The following UBN1 variants were observed in gnomAD, a reference collection of about 807,000 sequenced individuals.
UBN1 encodes ubinuclein 1, also known as ubinuclein-1.
A neutral mutation model predicts 108.5 loss-of-function variants in UBN1; 17 were observed. The observed-to-expected ratio is 0.16, with a 90% CI of 0.11 to 0.24. UBN1 has a LOEUF of 0.24. UBN1 is among the 10% of genes least tolerant of loss of function. UBN1 has a pLI of 1.00. For synonymous variants in UBN1, 726 were observed against 564.2 expected (o/e 1.29, Z -4.07); for missense variants, 1,595 against 1,394.4 (o/e 1.14, Z -2.29).
chr16:4,876,428 T>C (rs531730418), intron 15 of UBN1, among the ~76,000 whole-genome samples: 4 of 152,230 alleles, frequency 2.6e-5, no homozygotes, highest in Non-Finnish European at 4.4e-5. Context: ...TAAATAAAGG[T>C]ATATATGTAT....
chr16:4,858,790 C>T, intron 4 of UBN1, 127 bp downstream of exon 4: 1 of 988,966 alleles, frequency 1.0e-6, no homozygotes, highest in Non-Finnish European at 1.5e-6. Context: ...AGTAGCAGCA[C>T]TGATGAGAGA....
chr16:4,871,576 CTTTTTTTTTTTTTTTTTTT>C (rs35865064), intron 12 of UBN1, among the ~76,000 whole-genome samples: 3 of 88,424 alleles, frequency 3.4e-5, no homozygotes, highest in South Asian at 4.0e-4. Flanking sequence ...ATGCACTTTC[CTTTTTTTTTTTTTTTTTTT>C]TTTTTTTTTG....
intron 1 of UBN1, chr16:4,848,440 C>T (rs1375477581): frequency 6.6e-6 from 1 of 152,250 alleles, no homozygotes. Flanking sequence ...TCACAGACTC[C>T]ACAGTGTTAA....
At position 4,874,402 on chromosome 16, in the gene UBN1, C is replaced by G. The variant is rs767858622; in HGVS notation, c.1992C>G (p.Asp664Glu). ...PVNLEDSLDE[D>E]LIRNPASSVE... ...ACCTGGAGGACTCATTGGATGAAGA[C>G]TTGATCCGCAATCCAGCCTCCTCGG... The change falls in exon 15 of 18, where the codon GAC becomes GAG. Residue 664 changes from aspartate to glutamate, a missense_variant. Around this residue, in one of 3 missense-constraint regions of UBN1, gnomAD observed 1,398 missense variants for 1,194.7 expected, o/e 1.17. Transcript: ENST00000262376. 6.8e-6 allele frequency: 11 copies of G among 1,614,014 alleles called. No homozygotes were observed. The East Asian group carries it at 2.2e-4, about 33-fold the overall frequency.
chr16:4,871,876 A>G lies in UBN1; in HGVS notation c.1706+575A>G, dbSNP rs191013637. ...GCTGGGATTACAGGCGTGAGCCACC[A>G]CACCCGGCCACACTTCCTGTTTTAA... On this transcript the variant is annotated intron_variant, in intron 12 of 17. Transcript: ENST00000262376. Among the ~76,000 whole-genome samples the G allele has an allele frequency of 2.5e-3, 386 of 152,132 alleles. 1 individual carries two copies. Among genetic ancestry groups the G allele is most frequent in the African/African-American group, 8.0e-3 (334 of 41,514 alleles).
At chr16:4,853,381 T>A (rs184586921) in intron 2 of UBN1, among the ~76,000 whole-genome samples, 3 of 152,328 alleles carry the variant, frequency 2.0e-5, no homozygotes, top group East Asian at 3.9e-4. Flanking sequence ...ACATAAATTT[T>A]AAAAACAATA....
Position 4,870,334 on chromosome 16 carries a change from A to G in UBN1, c.1304A>G (p.Tyr435Cys), listed in dbSNP as rs35103368. The G allele has an allele frequency of 0.039, 62,678 of 1,614,028 alleles. 2,174 individuals are homozygous for G. The highest frequency in any genetic ancestry group is 0.16 in the South Asian group (14,468 of 91,052). Residue 435 changes from tyrosine to cysteine, a missense_variant, in exon 9 of 18, where the codon TAT (tyrosine) becomes TGT (cysteine). This residue lies in a region of UBN1 where 1,398 missense variants were observed against 1,194.7 expected (regional missense o/e 1.17). Coordinates refer to ENST00000262376, the MANE Select transcript of UBN1 (RefSeq NM_001079514.3). ...LLKRARKLHL[Y>C]EQGGRLKEPL... Reference sequence around the variant, plus strand: ...AAGCGTGCTCGGAAACTTCACCTCTATGAACAGGTGGGTGACTCTAGAGTG... The same window carrying G: ...AAGCGTGCTCGGAAACTTCACCTCTGTGAACAGGTGGGTGACTCTAGAGTG...
chr16:4,862,640 G>A (rs1416266623), intron 7 of UBN1, among the ~76,000 whole-genome samples: 1 of 152,220 alleles, frequency 6.6e-6, no homozygotes, highest in Admixed American at 6.5e-5. Flanking sequence ...ACGATAGATG[G>A]TCGTTAGAGA....
At chr16:4,879,331 T>C (rs892302760) in intron 17 of UBN1, among the ~76,000 whole-genome samples, 2 of 151,504 alleles carry the variant, frequency 1.3e-5, no homozygotes, top group African/African-American at 4.9e-5. Flanking sequence ...CTGGATGTGG[T>C]GGCATTGAGA....
At position 4,877,643 on chromosome 16, in the gene UBN1, C is replaced by T. The variant is rs1444303988; in HGVS notation, c.3355+169C>T. 3 of 1,337,446 alleles carry T rather than the reference C, an allele frequency of 2.2e-6. No homozygotes were observed. Among genetic ancestry groups the T allele is most frequent in the East Asian group, 6.0e-5 (2 of 33,248 alleles). The allele number at this position is 1,337,446 out of a possible 1,614,324, so 82.8% of individuals were successfully genotyped here. A position where few individuals can be genotyped will look rare whatever the true frequency, so the allele number is the denominator to read the frequency against. On this transcript the variant is annotated intron_variant, in intron 17 of 17. Coordinates refer to ENST00000262376, the MANE Select transcript of UBN1 (RefSeq NM_001079514.3). This position sits in a 1 kb window ranked among gnomAD's most constrained non-coding sequence, Gnocchi z 4.3. The stretch of plus-strand genomic sequence containing the variant: ...TCAGTACTCAGGGTGACACGCACTT[C>T]TACTCTTGGGGTTTCCTCTGGTCCC...
chr16:4,876,300 C>T (rs1296187632), intron 15 of UBN1, among the ~76,000 whole-genome samples: 2 of 152,142 alleles, frequency 1.3e-5, no homozygotes, highest in African/African-American at 4.8e-5. Flanking sequence ...AAGACAAAAC[C>T]ATAGAAAGGT....
intron 7 of UBN1, among the ~76,000 whole-genome samples, chr16:4,863,235 G>A (rs1338818501): frequency 6.6e-6 from 1 of 152,092 alleles, no homozygotes; most frequent in Admixed American, 6.5e-5. Context: ...TTTTATGGTT[G>A]CATTAAAAAG....
At chr16:4,868,990 A>C in intron 8 of UBN1, 87 bp downstream of exon 8, 1 of 1,356,096 alleles carries the variant, frequency 7.4e-7, no homozygotes, top group Non-Finnish European at 1.0e-6. Context: ...GTGGGAGTAC[A>C]ATTGAACTGC....
chr16:4,872,756 A>T, intron 12 of UBN1, 128 bp from the exon 13 acceptor site: 1 of 1,096,850 alleles, frequency 9.1e-7, no homozygotes, highest in Non-Finnish European at 1.3e-6. Context: ...GGCGTGAGCC[A>T]CTGCGCCTGG....
At chr16:4,879,177 A>T (rs1401597127) in intron 17 of UBN1, among the ~76,000 whole-genome samples, 2 of 152,158 alleles carry the variant, frequency 1.3e-5, no homozygotes, top group East Asian at 3.8e-4. Flanking sequence ...GCAAAAGGAG[A>T]TGAAAAACGT....
rs2087795062 is a variant in UBN1, at chr16:4,874,647, T to G, written c.2237T>G (p.Leu746Arg). 6.2e-7 allele frequency: 1 copy of G among 1,614,202 alleles called. No individual in the cohort carries two copies. Among genetic ancestry groups the G allele is most frequent in the African/African-American group, 1.3e-5 (1 of 75,056 alleles). Residue 746 changes from leucine to arginine, a missense_variant, in exon 15 of 18, where the codon CTG becomes CGG. Physicochemically the swap from Leu to Arg is moderately radical, Grantham distance 102. Transcript: ENST00000262376. ...LNFLAEQALA[L>R]GQSSQEKKPE... ...TTTCTGGCAGAACAGGCTCTGGCAC[T>G]GGGGCAGTCCTCTCAGGAGAAAAAA...
chr16:4,874,248 C>T lies in UBN1; in HGVS notation c.1838C>T (p.Pro613Leu). ...AAGCCTGATAAAAAGGTTTCTGTCC[C>T]ATCAGGACAGATTGGTGGCCCCATT... Reference protein sequence around the residue: ...STKPDKKVSVPSGQIGGPIAL... With the variant: ...STKPDKKVSVLSGQIGGPIAL... Residue 613 changes from proline (P) to leucine (L), a missense_variant, in exon 15 of 18, where the codon CCA becomes CTA. Pro to Leu is a moderately conservative substitution (Grantham distance 98). Transcript: ENST00000262376. 1.2e-6 allele frequency: 2 copies of T among 1,603,694 alleles called. No individual in the cohort carries two copies. Among genetic ancestry groups the T allele is most frequent in the Non-Finnish European group, 1.7e-6 (2 of 1,174,280 alleles).
At chr16:4,859,308 T>TA in intron 5 of UBN1, 149 bp downstream of exon 5, 1 of 1,129,692 alleles carries the variant, frequency 8.9e-7, no homozygotes. Context: ...GCTCGCCTCT[T>TA]ACACGTGTGC....
In UBN1 at chr16:4,877,529, C is replaced by T; in HGVS notation, c.3355+55C>T. 6.6e-7 allele frequency: 1 copy of T among 1,522,320 alleles called. No homozygotes were observed. Among genetic ancestry groups the T allele is most frequent in the South Asian group, 1.2e-5 (1 of 80,626 alleles). 94.3% of individuals were successfully genotyped at this position (1,522,320 alleles called of 1,614,324 possible). On this transcript the variant is annotated intron_variant, in intron 17 of 17. Transcript: ENST00000262376. The surrounding 1 kb of genome is among the most constrained non-coding windows in gnomAD (Gnocchi z 4.3). ...GCACCGTGTGCCTTTGCCCTCTCCA[C>T]CCCTAGGTGCTTTGCCGCTGCCAAG...
Sources: gnomAD v4.1 joint callset for allele counts (sites outside exome capture counted in the v4.1 genomes callset) on GRCh38, gnomAD v4.1.1 for gene constraint, gnomAD v4.1.1 regional missense constraint, Gnocchi (gnomAD v3.1) non-coding constraint, MANE v1.5 for transcripts, NCBI Gene and HGNC (gene_info 2026-07-23, HGNC 2026-07-21) for gene names.